The following KIAA1217 variants were observed in gnomAD, a reference collection of about 807,000 sequenced individuals.
KIAA1217 encodes the protein sickle tail protein homolog.
In KIAA1217, 88 loss-of-function variants were observed where a neutral mutation model predicts 163.9. The ratio of observed to expected loss-of-function variants is 0.54; its 90% CI spans 0.45 to 0.64. KIAA1217 has a LOEUF of 0.64. Ranked by LOEUF, KIAA1217 falls within the 30% of genes least tolerant of loss-of-function variation. KIAA1217 has a pLI of 0.00. For missense variants in KIAA1217, 2,372 were observed against 2,475.0 expected, an observed-to-expected ratio of 0.96 and a Z score of 0.88; for synonymous variants, 903 against 923.1, an observed-to-expected ratio of 0.98 and a Z score of 0.39.
rs1348687326 is a variant in KIAA1217, at chr10:24,171,807, TAAAC to T, written c.-170-47815_-170-47812del. 1.4e-3 allele frequency among the ~76,000 whole-genome samples: 219 copies of T among 151,914 alleles called. 1 individual carries two copies. Among genetic ancestry groups the T allele is most frequent in the Middle Eastern group, 0.01 (3 of 294 alleles). ...CATCTCAAAAAAGTAAATAAATAAA[TAAAC>T]AAATAAATAAATGAATAAATAAATA... is the stretch of plus-strand genomic sequence containing the variant. On this transcript the variant is annotated intron_variant, in intron 2 of 18. Transcript: ENST00000376462.
chr10:23,747,692 A>T (rs1419704988), intron 1 of KIAA1217, among the ~76,000 whole-genome samples: 1 of 152,220 alleles, frequency 6.6e-6, no homozygotes, highest in African/African-American at 2.4e-5. Context: ...AAAGGTCAGA[A>T]AGATACAGAG....
rs142516969 is a variant in KIAA1217, at chr10:24,535,522, C to T, written c.3415-1252C>T. Among the ~76,000 whole-genome samples the T allele has an allele frequency of 1.6e-3, 247 of 152,316 alleles. 3 individuals are homozygous for T. The highest frequency in any genetic ancestry group is 4.7e-3 in the African/African-American group (196 of 41,572). ...AGGCACAGTGGCTTATACCTGCAAT[C>T]CCAGCACTTTGGGAGGCTGAGGTGG... On this transcript the variant is annotated intron_variant, in intron 16 of 20. Transcript: ENST00000376454.
At chr10:24,465,532 G>T (rs1165343127) in intron 5 of KIAA1217, among the ~76,000 whole-genome samples, 1 of 152,210 alleles carries the variant, frequency 6.6e-6, no homozygotes, top group Non-Finnish European at 1.5e-5. Flanking sequence ...GAAGCCAGTG[G>T]GGCTTCCAGC....
chr10:24,441,125 G>A (rs570455018), intron 5 of KIAA1217, among the ~76,000 whole-genome samples: 1 of 152,286 alleles, frequency 6.6e-6, no homozygotes, highest in South Asian at 2.1e-4. Context: ...GCAGCGTGGG[G>A]TTAGGGAACT....
intron 1 of KIAA1217, among the ~76,000 whole-genome samples, chr10:23,859,128 C>G (rs1839841283): frequency 6.6e-6 from 1 of 152,124 alleles, no homozygotes. Context: ...ATGTATATGT[C>G]TTTGTATATG....
intron 9 of KIAA1217, among the ~76,000 whole-genome samples, chr10:24,508,319 GCT>G (rs1282489067): frequency 3.9e-5 from 6 of 152,108 alleles, no homozygotes; most frequent in Non-Finnish European, 7.4e-5. Flanking sequence ...TAAAAACAGC[GCT>G]CTAGAAGTAG....
chr10:23,983,707 G>C (rs1845861546), intron 1 of KIAA1217, among the ~76,000 whole-genome samples: 1 of 152,186 alleles, frequency 6.6e-6, no homozygotes, highest in East Asian at 1.9e-4. Context: ...CAGATCACTA[G>C]TAGACAGTGG....
chr10:24,338,354 T>G (rs1475344053), intron 2 of KIAA1217, among the ~76,000 whole-genome samples: 3 of 152,166 alleles, frequency 2.0e-5, no homozygotes, highest in African/African-American at 7.2e-5. Context: ...GGGATCAGAA[T>G]CTTAAGCAAT....
intron 2 of KIAA1217, among the ~76,000 whole-genome samples, chr10:24,373,432 C>T (rs1564562461): frequency 6.6e-6 from 1 of 152,158 alleles, no homozygotes; most frequent in South Asian, 2.1e-4. Context: ...GGGAGAGAGT[C>T]TTCAGAGTGG....
chr10:23,893,564 G>C (rs573644752), intron 1 of KIAA1217, among the ~76,000 whole-genome samples: 8 of 151,960 alleles, frequency 5.3e-5, no homozygotes, highest in African/African-American at 1.9e-4. Context: ...TGCTTTTCTA[G>C]TTCTTTTAAT....
chr10:24,059,425 T>C (rs555323884), intron 2 of KIAA1217, among the ~76,000 whole-genome samples: 26 of 152,294 alleles, frequency 1.7e-4, no homozygotes, highest in African/African-American at 6.3e-4. Context: ...ACTTCCTCAG[T>C]TTTTTGGAAG....
chr10:24,122,930 G>A (rs1462417701), intron 2 of KIAA1217, among the ~76,000 whole-genome samples: 1 of 151,404 alleles, frequency 6.6e-6, no homozygotes, highest in Non-Finnish European at 1.5e-5. Context: ...TAGTATAATA[G>A]TCATCTGCAA....
At chr10:24,318,718 C>T (rs150215467) in intron 2 of KIAA1217, among the ~76,000 whole-genome samples, 148 of 152,252 alleles carry the variant, frequency 9.7e-4, no homozygotes, top group African/African-American at 3.5e-3. Context: ...TTTCCTATTC[C>T]GCTTTGATTT....
chr10:23,831,832 C>T lies in KIAA1217; in HGVS notation c.-321+136598C>T, dbSNP rs538327170. 6.6e-5 allele frequency among the ~76,000 whole-genome samples: 10 copies of T among 152,270 alleles called. No homozygotes were observed. In the East Asian group the frequency reaches 1.5e-3, roughly 23 times the overall value. On this transcript the variant is annotated intron_variant, in intron 1 of 18. Transcript: ENST00000376462. ...CTGATATGAAAGATGTGGAATTTAG[C>T]ATACTTGTACTATTTCTTCCACTTC...
chr10:24,495,875 C>T (rs2066723792), intron 8 of KIAA1217, among the ~76,000 whole-genome samples: 1 of 152,162 alleles, frequency 6.6e-6, no homozygotes, highest in African/African-American at 2.4e-5. Context: ...ACAAGGCCTG[C>T]TTTTTAAATG....
intron 8 of KIAA1217, among the ~76,000 whole-genome samples, chr10:24,500,903 T>G (rs1421373987): frequency 6.6e-6 from 1 of 152,006 alleles, no homozygotes; most frequent in Non-Finnish European, 1.5e-5. Context: ...GGCAATACGG[T>G]GAGACCCTGT....
intron 2 of KIAA1217, among the ~76,000 whole-genome samples, chr10:24,346,615 G>A (rs1327454530): frequency 8.2e-6 from 1 of 121,658 alleles, no homozygotes; most frequent in Non-Finnish European, 1.6e-5. Flanking sequence ...TCTGTCACCA[G>A]GCTGAAGTGC....
At chr10:24,222,661 C>T (rs2069820127) in intron 2 of KIAA1217, among the ~76,000 whole-genome samples, 1 of 152,022 alleles carries the variant, frequency 6.6e-6, no homozygotes, top group Non-Finnish European at 1.5e-5. Context: ...AAGTATGCAC[C>T]ACCACACCCA....
intron 6 of KIAA1217, among the ~76,000 whole-genome samples, chr10:24,474,284 G>A (rs963157250): frequency 1.3e-5 from 2 of 152,224 alleles, no homozygotes; most frequent in Non-Finnish European, 2.9e-5. Flanking sequence ...CAAGAAGACA[G>A]GTGCAGCAAC....
Sources: gnomAD v4.1 joint callset for allele counts (sites outside exome capture counted in the v4.1 genomes callset) on GRCh38, gnomAD v4.1.1 for gene constraint, MANE v1.5 for transcripts, NCBI Gene and HGNC (gene_info 2026-07-23, HGNC 2026-07-21) for gene names.